TTYH2: variants seen among roughly 807,000 people sequenced by gnomAD.
The protein encoded by TTYH2 is tweety family member 2.
A neutral mutation model predicts 68.3 loss-of-function variants in TTYH2; 49 were observed. The ratio of observed to expected loss-of-function variants is 0.72; its 90% CI spans 0.57 to 0.91. TTYH2 has a LOEUF of 0.91. TTYH2 is among the 40% of genes least tolerant of loss of function. The pLI is 0.00. For missense variants in TTYH2, 631 were observed against 700.4 expected (o/e 0.90, Z 1.12); for synonymous variants, 272 against 300.8 (o/e 0.90, Z 0.99).
rs567220267 is a variant in TTYH2, at chr17:74,215,043, C to T, written c.129+1327C>T. ...AGACGGCAGTCGGTGGACCCACCCCCCTCCCCCAGAGCCCAGCCTGTGGGA... is the reference window on the plus strand; with the variant it reads ...AGACGGCAGTCGGTGGACCCACCCCTCTCCCCCAGAGCCCAGCCTGTGGGA... On this transcript the variant is annotated intron_variant, in intron 1 of 13. Transcript: ENST00000269346. The surrounding 1 kb of genome is among the most constrained non-coding windows in gnomAD (Gnocchi z 4.3). 3.4e-4 allele frequency among the ~76,000 whole-genome samples: 52 copies of T among 152,200 alleles called. No individual in the cohort carries two copies. The highest frequency in any genetic ancestry group is 1.0e-3 in the African/African-American group (42 of 41,540).
rs965343938 is a variant in TTYH2 at position 74,217,260 on chromosome 17, G to T, written c.129+3544G>T. Among the ~76,000 whole-genome samples, 1 of 152,238 alleles carries T rather than the reference G, an allele frequency of 6.6e-6. No homozygotes were observed. The highest frequency in any genetic ancestry group is 6.5e-5 in the Admixed American group (1 of 15,288). On this transcript the variant is annotated intron_variant, in intron 1 of 13. Coordinates refer to ENST00000269346, the MANE Select transcript of TTYH2 (RefSeq NM_032646.6). The surrounding 1 kb of genome is among the most constrained non-coding windows in gnomAD (Gnocchi z 4.0). ...TGTGCTTCCTGTTCCAGCTTCCCTT[G>T]CCCAGGATCAGCCGACCAGCTGCTC...
Position 74,249,410 on chromosome 17 carries a change from C to CCG in TTYH2, c.930+12_930+13dup. 3 of 1,613,474 alleles carry CCG rather than the reference C, an allele frequency of 1.9e-6. No homozygotes were observed. The South Asian group carries it at 3.3e-5, about 18-fold the overall frequency. On this transcript the variant is annotated intron_variant, in intron 8 of 13. Coordinates refer to ENST00000269346, the MANE Select transcript of TTYH2 (RefSeq NM_032646.6). ...AGCCCCTTCCAGCAGGTATGGCCCCCCGAGGCCTGCCCTCACCCTGCCCAC... is the reference window on the plus strand; with the variant it reads ...AGCCCCTTCCAGCAGGTATGGCCCCCCGCGAGGCCTGCCCTCACCCTGCCCAC...
rs1338879574 is a variant in TTYH2 at position 74,215,738 on chromosome 17, G to T, written c.129+2022G>T. The T allele has an allele frequency of 1.3e-6, 2 of 1,531,926 alleles. No individual in the cohort carries two copies. The highest frequency in any genetic ancestry group is 1.7e-6 in the Non-Finnish European group (2 of 1,143,532). 94.9% of individuals were successfully genotyped at this position (1,531,926 alleles called of 1,614,324 possible). On this transcript the variant is annotated intron_variant, in intron 1 of 13. Transcript: ENST00000269346. The surrounding 1 kb of genome is among the most constrained non-coding windows in gnomAD (Gnocchi z 4.3). ...GTAAGTTCCCCTGTTGTGACCACAGGTCTCTCCTGGATGTCTTCTTTCCTC... is the reference window on the plus strand; with the variant it reads ...GTAAGTTCCCCTGTTGTGACCACAGTTCTCTCCTGGATGTCTTCTTTCCTC...
At chr17:74,250,430 G>T in intron 10 of TTYH2, 73 bp downstream of exon 10, 1 of 1,310,890 alleles carries the variant, frequency 7.6e-7, no homozygotes, top group Non-Finnish European at 1.1e-6. Context: ...GAGAAAAGCC[G>T]GTAGAGGCCG....
At chr17:74,225,149 G>A (rs560095693) in intron 2 of TTYH2, among the ~76,000 whole-genome samples, 1 of 152,318 alleles carries the variant, frequency 6.6e-6, no homozygotes, top group Non-Finnish European at 1.5e-5. Context: ...TGGCAAAGGT[G>A]GGGGCAGGGG....
chr17:74,249,809 G>GT lies in TTYH2; in HGVS notation c.931-126dup. On this transcript the variant is annotated intron_variant, in intron 8 of 13. Coordinates refer to ENST00000269346, the MANE Select transcript of TTYH2 (RefSeq NM_032646.6). ...GAGGGGCCTGTGCAGCTGCAGCCAG[G>GT]TGGGGGGGTGGGAGGGGCAGGAGCA... 4.5e-6 allele frequency: 5 copies of GT among 1,119,256 alleles called. No homozygotes were observed. In the South Asian group the frequency reaches 6.6e-5, roughly 15 times the overall value. The allele number at this position is 1,119,256 out of a possible 1,614,324, so 69.3% of individuals were successfully genotyped here.
chr17:74,221,509 C>T (rs2050275398), intron 1 of TTYH2, among the ~76,000 whole-genome samples: 1 of 152,216 alleles, frequency 6.6e-6, no homozygotes. Context: ...GGATTCGGGA[C>T]TGGGAACCCC....
intron 2 of TTYH2, among the ~76,000 whole-genome samples, chr17:74,223,390 T>G (rs958756639): frequency 1.4e-4 from 22 of 152,114 alleles, no homozygotes; most frequent in African/African-American, 4.3e-4. Flanking sequence ...CCTCCAAAAG[T>G]GCTGGGATTA....
chr17:74,235,152 T>C (rs2050429963), intron 3 of TTYH2, among the ~76,000 whole-genome samples: 1 of 152,204 alleles, frequency 6.6e-6, no homozygotes, highest in Non-Finnish European at 1.5e-5. Flanking sequence ...CCATTCTCTT[T>C]TCTGGAACTA....
intron 2 of TTYH2, among the ~76,000 whole-genome samples, chr17:74,228,403 G>T (rs965099665): frequency 6.6e-6 from 1 of 152,126 alleles, no homozygotes; most frequent in Non-Finnish European, 1.5e-5. Context: ...CAACCCAAAT[G>T]AGCATTTTGG....
intron 1 of TTYH2, among the ~76,000 whole-genome samples, chr17:74,219,381 C>T (rs2050253314): frequency 9.0e-6 from 1 of 111,578 alleles, no homozygotes; most frequent in African/African-American, 1.3e-4. Context: ...GAGCAAGACT[C>T]CGTGTCAAAA....
chr17:74,222,785 T>TA lies in TTYH2; in HGVS notation c.302+128_302+129insA. ...AAAGCTTGTCCCCAGATGAATGTTGTCCCTTTTTTTTTTTTTACCAAGCAT... is the reference window on the plus strand; with the variant it reads ...AAAGCTTGTCCCCAGATGAATGTTGTACCCTTTTTTTTTTTTTACCAAGCAT... On this transcript the variant is annotated intron_variant, in intron 2 of 13. Coordinates refer to ENST00000269346, the MANE Select transcript of TTYH2 (RefSeq NM_032646.6). The surrounding 1 kb of genome is among the most constrained non-coding windows in gnomAD (Gnocchi z 5.2). 1 of 1,140,026 alleles carries TA rather than the reference T, an allele frequency of 8.8e-7. No homozygotes were observed. The highest frequency in any genetic ancestry group is 1.2e-6 in the Non-Finnish European group (1 of 849,700). 70.6% of individuals were successfully genotyped at this position (1,140,026 alleles called of 1,614,324 possible). A position where few individuals can be genotyped will look rare whatever the true frequency, so the allele number is the denominator to read the frequency against.
chr17:74,240,502 A>G (rs190614643), intron 4 of TTYH2, among the ~76,000 whole-genome samples: 92 of 151,346 alleles, frequency 6.1e-4, no homozygotes, highest in African/African-American at 2.1e-3. Flanking sequence ...AACATCAGTG[A>G]TATTCTACCC....
At chr17:74,221,304 A>C (rs2050273372) in intron 1 of TTYH2, among the ~76,000 whole-genome samples, 1 of 152,098 alleles carries the variant, frequency 6.6e-6, no homozygotes, top group African/African-American at 2.4e-5. Flanking sequence ...CCCCCTGGAA[A>C]ATGGCCCCAA....
rs777482810 is a variant in TTYH2 at position 74,222,697 on chromosome 17, A to G, written c.302+40A>G. 1.3e-6 allele frequency: 2 copies of G among 1,573,278 alleles called. No individual in the cohort carries two copies. Among genetic ancestry groups the G allele is most frequent in the Non-Finnish European group, 1.7e-6 (2 of 1,160,850 alleles). On this transcript the variant is annotated intron_variant, in intron 2 of 13. Transcript: ENST00000269346. This position sits in a 1 kb window ranked among gnomAD's most constrained non-coding sequence, Gnocchi z 5.2. ...ACGCTGGGCTTGGGGTGTGTGACTC[A>G]GTCTGCAAGGGGCCAGGGACTGTTT...
At chr17:74,244,855 A>AGTGTGTGTGTGTGTGT (rs58119512) in intron 6 of TTYH2, among the ~76,000 whole-genome samples, 93 of 149,920 alleles carry the variant, frequency 6.2e-4, no homozygotes, top group African/African-American at 2.2e-3. Flanking sequence ...GTGGAGGTGC[A>AGTGTGTGTGTGTGTGT]GTGTGTGTGT....
intron 4 of TTYH2, among the ~76,000 whole-genome samples, chr17:74,238,020 C>T (rs1420004010): frequency 2.0e-5 from 3 of 152,124 alleles, no homozygotes; most frequent in Admixed American, 1.3e-4. Context: ...AGGATAGCCT[C>T]CTTAATAGAT....
intron 2 of TTYH2, among the ~76,000 whole-genome samples, chr17:74,224,397 C>T (rs1007226563): frequency 3.3e-5 from 5 of 152,012 alleles, no homozygotes; most frequent in Admixed American, 3.3e-4. Flanking sequence ...CACACACACA[C>T]ACACACAGAT....
At chr17:74,254,060 C>T (rs1347062379) in intron 13 of TTYH2, among the ~76,000 whole-genome samples, 1 of 152,228 alleles carries the variant, frequency 6.6e-6, no homozygotes, top group Non-Finnish European at 1.5e-5. Context: ...AGACACAGCC[C>T]ACTGCATACC....
Sources: gnomAD v4.1 joint callset for allele counts (sites outside exome capture counted in the v4.1 genomes callset) on GRCh38, gnomAD v4.1.1 for gene constraint, Gnocchi (gnomAD v3.1) non-coding constraint, MANE v1.5 for transcripts, NCBI Gene and HGNC (gene_info 2026-07-23, HGNC 2026-07-21) for gene names.